Variants in BPTF observed in about 807,000 individuals in gnomAD.
BPTF encodes nucleosome-remodeling factor subunit BPTF.
In BPTF, 18 loss-of-function variants were observed where a neutral mutation model predicts 292.5. That is an observed-to-expected ratio of 0.06 (90% CI 0.04 to 0.09). The LOEUF is 0.09. Ranked by LOEUF, BPTF falls within the 10% of genes least tolerant of loss-of-function variation. The pLI, the probability that BPTF is intolerant of heterozygous loss-of-function variation, is 1.00. For missense variants in BPTF, 2,726 were observed against 3,498.7 expected, an observed-to-expected ratio of 0.78 and a Z score of 5.57; for synonymous variants, 1,225 against 1,251.9, an observed-to-expected ratio of 0.98 and a Z score of 0.45.
At chr17:67,922,788 CT>C in intron 13 of BPTF, 51 bp from the exon 14 acceptor site, 1 of 1,549,576 alleles carries the variant, frequency 6.5e-7, no homozygotes, top group East Asian at 2.3e-5. Flanking sequence ...GCCAGAAGTA[CT>C]TTAATTTTAG....
chr17:67,973,543 G>A (rs1439732189), intron 26 of BPTF, among the ~76,000 whole-genome samples: 1 of 151,708 alleles, frequency 6.6e-6, no homozygotes, highest in Non-Finnish European at 1.5e-5. Flanking sequence ...TGGCTCTGTT[G>A]CACAAGCAGT....
intron 19 of BPTF, among the ~76,000 whole-genome samples, chr17:67,941,326 G>A (rs991902149): frequency 6.6e-6 from 1 of 152,140 alleles, no homozygotes; most frequent in Non-Finnish European, 1.5e-5. Context: ...GGTGGCATGC[G>A]CTTGTAATCA....
At chr17:67,947,615 T>C in intron 21 of BPTF, 111 bp from the exon 22 acceptor site, 1 of 810,370 alleles carries the variant, frequency 1.2e-6, no homozygotes, top group Non-Finnish European at 1.9e-6. Context: ...ATAAAATTCT[T>C]ACAGTTTCTT....
intron 27 of BPTF, among the ~76,000 whole-genome samples, chr17:67,977,075 T>G (rs541182534): frequency 3.3e-5 from 5 of 152,262 alleles, no homozygotes; most frequent in Admixed American, 6.5e-5. Context: ...TGCTAGAAGA[T>G]TATGGAAGAA....
Position 67,875,681 on chromosome 17 carries a change from A to G in BPTF, c.1864+661A>G. On this transcript the variant is annotated intron_variant, in intron 4 of 27. Coordinates refer to ENST00000306378, the MANE Select transcript of BPTF (RefSeq NM_182641.4). Reference sequence around the variant, plus strand: ...GAGCCCTGTGGGGTGTCTCTCAGAAACCCCCGATAGCAGCAACATGGCAGA... The same window carrying G: ...GAGCCCTGTGGGGTGTCTCTCAGAAGCCCCCGATAGCAGCAACATGGCAGA... The G allele has an allele frequency of 6.2e-7, 1 of 1,606,630 alleles. No homozygotes were observed. The highest frequency in any genetic ancestry group is 8.5e-7 in the Non-Finnish European group (1 of 1,176,402).
chr17:67,865,357 A>T (rs1173605800), intron 2 of BPTF, among the ~76,000 whole-genome samples: 1 of 152,234 alleles, frequency 6.6e-6, no homozygotes, highest in Non-Finnish European at 1.5e-5. Flanking sequence ...AATAATATTT[A>T]ACATTTATTG....
At chr17:67,913,427 A>G (rs1165692675) in intron 11 of BPTF, among the ~76,000 whole-genome samples, 1 of 152,186 alleles carries the variant, frequency 6.6e-6, no homozygotes, top group Non-Finnish European at 1.5e-5. Flanking sequence ...TAAAAATGAA[A>G]TTCAGTTTTA....
At chr17:67,922,454 G>A (rs962463486) in intron 13 of BPTF, among the ~76,000 whole-genome samples, 21 of 152,170 alleles carry the variant, frequency 1.4e-4, no homozygotes, top group Admixed American at 8.5e-4. Context: ...GGCTTTTGTA[G>A]GAAGTTGAAT....
At chr17:67,847,780 A>G (rs2058136495) in intron 1 of BPTF, among the ~76,000 whole-genome samples, 1 of 152,170 alleles carries the variant, frequency 6.6e-6, no homozygotes, top group African/African-American at 2.4e-5. Flanking sequence ...AATGGAATGT[A>G]CTGGAAGAGC....
chr17:67,981,783 A>G, intron 27 of BPTF: 4 of 950,256 alleles, frequency 4.2e-6, no homozygotes, highest in Non-Finnish European at 5.0e-6. Flanking sequence ...CTGGACTTTA[A>G]TAGAAAAATG....
In BPTF at chr17:67,913,254, C is replaced by T. The variant is rs140305267; in HGVS notation, c.5303+67C>T. The T allele has an allele frequency of 8.0e-4, 1,184 of 1,485,924 alleles. 8 individuals are homozygous for T. The African/African-American group carries it at 0.015, about 19-fold the overall frequency. The allele number at this position is 1,485,924 out of a possible 1,614,324, so 92.0% of individuals were successfully genotyped here. A position where few individuals can be genotyped will look rare whatever the true frequency, so the allele number is the denominator to read the frequency against. ...AAAAAGAATTATCTCACAAGAATATCTCATTTTTAAAAAATGAGATAATAG... is the reference window on the plus strand; with the variant it reads ...AAAAAGAATTATCTCACAAGAATATTTCATTTTTAAAAAATGAGATAATAG... On this transcript the variant is annotated intron_variant, in intron 11 of 27. Transcript: ENST00000306378.
At chr17:67,843,136 C>G (rs539939387) in intron 1 of BPTF, among the ~76,000 whole-genome samples, 3 of 148,392 alleles carry the variant, frequency 2.0e-5, no homozygotes, top group African/African-American at 7.4e-5. Flanking sequence ...ATACCTATAT[C>G]TACATACATA....
At chr17:67,869,771 C>G (rs1465999592) in intron 3 of BPTF, among the ~76,000 whole-genome samples, 1 of 140,720 alleles carries the variant, frequency 7.1e-6, no homozygotes, top group Admixed American at 7.8e-5. Flanking sequence ...ATCACGAGGT[C>G]AGGAGATCGA....
chr17:67,843,278 A>G (rs945529388), intron 1 of BPTF, among the ~76,000 whole-genome samples: 6 of 150,342 alleles, frequency 4.0e-5, no homozygotes, highest in Non-Finnish European at 8.9e-5. Context: ...ATACATATAG[A>G]TATGTAGACA....
intron 4 of BPTF, among the ~76,000 whole-genome samples, chr17:67,888,388 A>G (rs140674820): frequency 0.012 from 1,796 of 152,094 alleles, 31 homozygotes; most frequent in African/African-American, 0.041. Context: ...GGAGTTCGAG[A>G]CCAGTCTGGC....
chr17:67,893,969 C>T lies in BPTF; in HGVS notation c.2412-65C>T, dbSNP rs1221370851. ...AATCAGATGGAGGCCAAAGTTACAA[C>T]TATTGTGCTTTTAATTTAAGGTCAA... On this transcript the variant is annotated intron_variant, in intron 6 of 27. Coordinates refer to ENST00000306378, the MANE Select transcript of BPTF (RefSeq NM_182641.4). The T allele has an allele frequency of 1.9e-6, 3 of 1,578,384 alleles. No homozygotes were observed. In the African/African-American group the frequency reaches 4.1e-5, roughly 21 times the overall value.
At chr17:67,897,138 C>T (rs2061498921) in intron 7 of BPTF, among the ~76,000 whole-genome samples, 2 of 150,250 alleles carry the variant, frequency 1.3e-5, no homozygotes, top group African/African-American at 2.5e-5. Flanking sequence ...ACCAGCCTGA[C>T]GAACATGGAG....
chr17:67,980,305 A>G (rs2070186018), intron 27 of BPTF, among the ~76,000 whole-genome samples: 1 of 152,178 alleles, frequency 6.6e-6, no homozygotes, highest in Non-Finnish European at 1.5e-5. Flanking sequence ...AGATCCTGCC[A>G]CTGCACTCCA....
chr17:67,858,719 A>G (rs997184142), intron 2 of BPTF, among the ~76,000 whole-genome samples: 8 of 152,250 alleles, frequency 5.3e-5, no homozygotes, highest in Non-Finnish European at 5.9e-5. Context: ...AAAGGAGCTC[A>G]TAGTCATCAG....
Sources: gnomAD v4.1 joint callset for allele counts (sites outside exome capture counted in the v4.1 genomes callset) on GRCh38, gnomAD v4.1.1 for gene constraint, MANE v1.5 for transcripts, NCBI Gene and HGNC (gene_info 2026-07-23, HGNC 2026-07-21) for gene names.